The following STK3 variants were observed in gnomAD, a reference collection of about 807,000 sequenced individuals.
STK3 encodes serine/threonine-protein kinase 3.
In STK3, 41 loss-of-function variants were observed where a neutral mutation model predicts 58.0. That is an observed-to-expected ratio of 0.71 (90% CI 0.55 to 0.92). The LOEUF is 0.92. STK3 is among the 40% of genes least tolerant of loss of function. STK3 has a pLI of 0.00. For synonymous variants in STK3, 170 were observed against 191.0 expected, an observed-to-expected ratio of 0.89 and a Z score of 0.91; for missense variants, 479 against 602.7, an observed-to-expected ratio of 0.79 and a Z score of 2.15.
intron 6 of STK3, among the ~76,000 whole-genome samples, chr8:98,656,882 C>T (rs1821582266): frequency 6.6e-6 from 1 of 152,034 alleles, no homozygotes; most frequent in East Asian, 1.9e-4. Flanking sequence ...TATATTCTGT[C>T]AATCTCTGAA....
At chr8:98,483,248 T>C (rs2131288273) in intron 10 of STK3, among the ~76,000 whole-genome samples, 1 of 152,326 alleles carries the variant, frequency 6.6e-6, no homozygotes, top group South Asian at 2.1e-4. Context: ...GGGCCCAATA[T>C]TAACTTACAT....
intron 1 of STK3, among the ~76,000 whole-genome samples, chr8:98,807,220 G>C (rs1305291704): frequency 1.3e-5 from 2 of 151,934 alleles, no homozygotes; most frequent in South Asian, 2.1e-4. Context: ...TGCCTTTAAG[G>C]AGACAGTAAT....
chr8:98,811,545 G>T (rs76436312), intron 1 of STK3, among the ~76,000 whole-genome samples: 4 of 128,618 alleles, frequency 3.1e-5, no homozygotes, highest in East Asian at 2.2e-4. Context: ...AAAGAAAAAA[G>T]AAAAAAAAAA....
chr8:98,915,913 G>A (rs1414537432), intron 1 of STK3, among the ~76,000 whole-genome samples: 1 of 152,064 alleles, frequency 6.6e-6, no homozygotes, highest in Non-Finnish European at 1.5e-5. Flanking sequence ...AGCTTTTCCA[G>A]AAACTATGAA....
Position 98,790,413 on chromosome 8 carries a change from G to A in STK3, c.27-15594C>T, listed in dbSNP as rs959639445. Among the ~76,000 whole-genome samples, 10 of 152,258 alleles carry A rather than the reference G, an allele frequency of 6.6e-5. No homozygotes were observed. In the East Asian group the frequency reaches 7.7e-4, roughly 12 times the overall value. On this transcript the variant is annotated intron_variant, in intron 1 of 10. Coordinates refer to ENST00000419617, the MANE Select transcript of STK3 (RefSeq NM_006281.4). ...ACACCACGTAAACAGAATCGAACACGAAAATCACATGATCGTCTCAACAGA... is the reference window on the plus strand; with the variant it reads ...ACACCACGTAAACAGAATCGAACACAAAAATCACATGATCGTCTCAACAGA...
At chr8:98,460,392 G>A (rs1232326906) in intron 10 of STK3, among the ~76,000 whole-genome samples, 1 of 152,160 alleles carries the variant, frequency 6.6e-6, no homozygotes, top group Non-Finnish European at 1.5e-5. Context: ...TGATTTTATA[G>A]GCTCTTAGGT....
intron 6 of STK3, among the ~76,000 whole-genome samples, chr8:98,654,291 T>C (rs565330126): frequency 6.6e-6 from 1 of 152,320 alleles, no homozygotes; most frequent in South Asian, 2.1e-4. Flanking sequence ...CAATCCTTCA[T>C]GCTAAAAACT....
chr8:98,806,674 C>T (rs1450583554), intron 1 of STK3, among the ~76,000 whole-genome samples: 2 of 152,054 alleles, frequency 1.3e-5, no homozygotes, highest in Admixed American at 1.3e-4. Context: ...ATGCACATTT[C>T]CCAAGTATCC....
At chr8:98,916,181 G>A (rs149131101) in intron 1 of STK3, among the ~76,000 whole-genome samples, 5 of 152,138 alleles carry the variant, frequency 3.3e-5, no homozygotes, top group African/African-American at 9.7e-5. Flanking sequence ...TTGGGAGACC[G>A]AGGCGAGTGG....
intron 2 of STK3, among the ~76,000 whole-genome samples, chr8:98,376,193 T>G (rs1413022280): frequency 6.6e-6 from 1 of 152,266 alleles, no homozygotes; most frequent in African/African-American, 2.4e-5. Context: ...CATCTTTACA[T>G]GTGTGTATTT....
At chr8:98,486,245 T>G (rs1706664192) in intron 10 of STK3, among the ~76,000 whole-genome samples, 1 of 152,194 alleles carries the variant, frequency 6.6e-6, no homozygotes, top group African/African-American at 2.4e-5. Context: ...TACAGAAAGT[T>G]GTCTAGATAA....
intron 6 of STK3, among the ~76,000 whole-genome samples, chr8:98,690,111 T>C: frequency 6.6e-6 from 1 of 152,122 alleles, no homozygotes; most frequent in African/African-American, 2.4e-5. Flanking sequence ...AAAAGCCAGA[T>C]GCATTCCCTT....
chr8:98,351,111 A>G, the STK3 span, among the ~76,000 whole-genome samples: 2 of 152,222 alleles, frequency 1.3e-5, no homozygotes, highest in African/African-American at 2.4e-5. Flanking sequence ...CTGACTTTCA[A>G]CATAAACATA....
intron 6 of STK3, among the ~76,000 whole-genome samples, chr8:98,627,995 T>C (rs1055116183): frequency 1.3e-5 from 2 of 152,214 alleles, no homozygotes; most frequent in Non-Finnish European, 2.9e-5. Context: ...TTGTGGTTGT[T>C]AAAATTCAGG....
At chr8:98,408,212 T>C (rs966554368) in intron 3 of STK3, among the ~76,000 whole-genome samples, 6 of 152,154 alleles carry the variant, frequency 3.9e-5, no homozygotes, top group Non-Finnish European at 5.9e-5. Context: ...CAGATGATGA[T>C]TCCCCTTCTC....
intron 9 of STK3, among the ~76,000 whole-genome samples, chr8:98,542,625 T>C (rs1173060207): frequency 1.3e-5 from 2 of 152,184 alleles, no homozygotes; most frequent in Admixed American, 1.3e-4. Context: ...ATATGATTTT[T>C]ATCACCGCAT....
At chr8:98,653,863 T>C (rs1821208746) in intron 6 of STK3, among the ~76,000 whole-genome samples, 1 of 151,876 alleles carries the variant, frequency 6.6e-6, no homozygotes, top group South Asian at 2.1e-4. Context: ...CCAAAAAAAC[T>C]CCAGGACCAG....
At chr8:98,464,197 A>G (rs564522677) in intron 10 of STK3, among the ~76,000 whole-genome samples, 5 of 152,170 alleles carry the variant, frequency 3.3e-5, no homozygotes, top group Admixed American at 1.3e-4. Flanking sequence ...AGAATTTTCT[A>G]TGGCAGTTTT....
At chr8:98,682,386 A>G (rs965384261) in intron 6 of STK3, among the ~76,000 whole-genome samples, 5 of 152,194 alleles carry the variant, frequency 3.3e-5, no homozygotes, top group Admixed American at 1.3e-4. Context: ...TCTTTCTTTG[A>G]TATCATTCAT....
Sources: allele counts gnomAD v4.1 joint callset (sites outside exome capture counted in the v4.1 genomes callset), GRCh38; gene constraint gnomAD v4.1.1; transcripts MANE v1.5; gene names NCBI Gene and HGNC (gene_info 2026-07-23, HGNC 2026-07-21).